Variants in FYCO1 observed in about 807,000 individuals in gnomAD.
FYCO1 encodes FYVE and coiled-coil domain autophagy adaptor 1, also known as FYVE and coiled-coil domain-containing protein 1.
In FYCO1, 122 loss-of-function variants were observed where a neutral mutation model predicts 165.1. The ratio of observed to expected loss-of-function variants is 0.74; its 90% CI spans 0.64 to 0.86. FYCO1 has a LOEUF of 0.86. FYCO1 is among the 40% of genes least tolerant of loss of function. The pLI is 0.00. For missense variants in FYCO1, 1,702 were observed against 1,810.3 expected (o/e 0.94, Z 1.09); for synonymous variants, 648 against 742.5 (o/e 0.87, Z 2.07).
At chr3:45,944,182 G>C (rs1484321036) in intron 14 of FYCO1, among the ~76,000 whole-genome samples, 8 of 146,660 alleles carry the variant, frequency 5.5e-5, no homozygotes, top group African/African-American at 1.9e-4. Context: ...GTGTTTGTGT[G>C]TGTGCGTGTG....
intron 14 of FYCO1, among the ~76,000 whole-genome samples, chr3:45,938,683 G>C (rs1255872404): frequency 1.3e-5 from 2 of 152,132 alleles, no homozygotes; most frequent in Non-Finnish European, 2.9e-5. Context: ...TAGTAGATAC[G>C]GGGTTTCACC....
Position 45,962,123 on chromosome 3 carries a change from TG to T in FYCO1, c.3437+101del, listed in dbSNP as rs1168840422. Reference sequence around the variant, plus strand: ...GGCTCCTGAGACAGCAGCAAGAAAGTGGGGAAATTTCTGAAGTATGCTTTCA... The same window carrying T: ...GGCTCCTGAGACAGCAGCAAGAAAGTGGGAAATTTCTGAAGTATGCTTTCA... On this transcript the variant is annotated intron_variant, in intron 11 of 17. Coordinates refer to ENST00000296137, the MANE Select transcript of FYCO1 (RefSeq NM_024513.4). This position sits in a 1 kb window ranked among gnomAD's most constrained non-coding sequence, Gnocchi z 4.4. 1.5e-6 allele frequency: 2 copies of T among 1,296,614 alleles called. No individual in the cohort carries two copies. Among genetic ancestry groups the T allele is most frequent in the African/African-American group, 2.9e-5 (2 of 68,756 alleles). The allele number at this position is 1,296,614 out of a possible 1,614,324, so 80.3% of individuals were successfully genotyped here. A position where few individuals can be genotyped will look rare whatever the true frequency, so the allele number is the denominator to read the frequency against.
In FYCO1 at chr3:45,964,317, T is replaced by TA. The variant is rs1338739399; in HGVS notation, c.3269+18dup. The TA allele has an allele frequency of 1.9e-6, 3 of 1,564,554 alleles. No individual in the cohort carries two copies. Among genetic ancestry groups the TA allele is most frequent in the Non-Finnish European group, 2.6e-6 (3 of 1,134,730 alleles). Reference sequence around the variant, plus strand: ...TCCCTGAAGACTACCGACAGCTACGTAGGTGGACTGTGACTAACCTTTCTA... The same window carrying TA: ...TCCCTGAAGACTACCGACAGCTACGTAAGGTGGACTGTGACTAACCTTTCTA... On this transcript the variant is annotated intron_variant, in intron 10 of 17. Transcript: ENST00000296137. This position sits in a 1 kb window ranked among gnomAD's most constrained non-coding sequence, Gnocchi z 4.1.
chr3:45,934,540 C>T (rs1703791217), intron 15 of FYCO1, among the ~76,000 whole-genome samples: 1 of 152,210 alleles, frequency 6.6e-6, no homozygotes, highest in Admixed American at 6.5e-5. Context: ...ATCTGGCAAA[C>T]ATCCTTTAGA....
rs145116256 is a variant in FYCO1 at position 45,963,763 on chromosome 3, A to C, written c.3269+573T>G. Among the ~76,000 whole-genome samples the C allele has an allele frequency of 8.6e-3, 1,310 of 152,314 alleles. 12 individuals carry two copies. The highest frequency in any genetic ancestry group is 0.014 in the Non-Finnish European group (965 of 68,016). ...TAGGCTCACAACTCCACATGGCCCC[A>C]AGCCTGAAAATGAGGGGGTCAAGGA... is the stretch of plus-strand genomic sequence containing the variant. On this transcript the variant is annotated intron_variant, in intron 10 of 17. Coordinates refer to ENST00000296137, the MANE Select transcript of FYCO1 (RefSeq NM_024513.4).
intron 2 of FYCO1, among the ~76,000 whole-genome samples, chr3:45,983,547 G>A (rs1707156754): frequency 6.6e-6 from 1 of 152,150 alleles, no homozygotes; most frequent in Admixed American, 6.5e-5. Context: ...TAGATCAGAA[G>A]CTCTACCTGA....
At chr3:45,978,863 T>G (rs1054691999) in intron 4 of FYCO1, among the ~76,000 whole-genome samples, 39 of 151,198 alleles carry the variant, frequency 2.6e-4, no homozygotes, top group Non-Finnish European at 5.6e-4. Context: ...CTGGAGTTTT[T>G]TTTTTTTTTT....
In FYCO1 at chr3:45,964,976, C is replaced by T; in HGVS notation, c.3150+57G>A. 3 of 1,406,536 alleles carry T rather than the reference C, an allele frequency of 2.1e-6. No individual in the cohort carries two copies. Among genetic ancestry groups the T allele is most frequent in the South Asian group, 1.2e-5 (1 of 85,672 alleles). The allele number at this position is 1,406,536 out of a possible 1,614,324, so 87.1% of individuals were successfully genotyped here. Reference sequence around the variant, plus strand: ...ATGCAGGGAGCCCTCTTAAATGGTCCAGTCAAAACCACACCAGATGCCCTC... The same window carrying T: ...ATGCAGGGAGCCCTCTTAAATGGTCTAGTCAAAACCACACCAGATGCCCTC... On this transcript the variant is annotated intron_variant, in intron 9 of 17. Transcript: ENST00000296137. This position sits in a 1 kb window ranked among gnomAD's most constrained non-coding sequence, Gnocchi z 4.1.
intron 5 of FYCO1, among the ~76,000 whole-genome samples, chr3:45,974,382 G>A (rs1233358169): frequency 6.6e-6 from 1 of 152,178 alleles, no homozygotes; most frequent in Non-Finnish European, 1.5e-5. Context: ...TCTGTGAACT[G>A]TGCGATCTTC....
intron 14 of FYCO1, among the ~76,000 whole-genome samples, chr3:45,948,699 G>A (rs1427499896): frequency 3.3e-5 from 5 of 152,162 alleles, no homozygotes; most frequent in African/African-American, 1.2e-4. Context: ...ACCAAAATAC[G>A]GAGAACCAAC....
rs928579946 is a variant in FYCO1, at chr3:45,967,657, C to T, written c.1677G>A (p.Pro559=). 24 of 1,611,838 alleles carry T rather than the reference C, an allele frequency of 1.5e-5. No homozygotes were observed. Among genetic ancestry groups the T allele is most frequent in the South Asian group, 6.6e-5 (6 of 91,092 alleles). Residue 559 remains proline, a synonymous_variant, in exon 8 of 18, where the codon CCG becomes CCA. Transcript: ENST00000296137. ...CTGCCACTGGCAGTTCTGGGCCAGGCGGCCCAGCAAGCCGCTCGAGCATAC... is the reference window on the plus strand; with the variant it reads ...CTGCCACTGGCAGTTCTGGGCCAGGTGGCCCAGCAAGCCGCTCGAGCATAC... ...QVGMLERLAG[P]PGPELPVAGE... is the part of the protein sequence containing the mutation.
At chr3:45,959,336 G>C in intron 12 of FYCO1, 57 bp downstream of exon 12, 1 of 1,592,656 alleles carries the variant, frequency 6.3e-7, no homozygotes, top group Non-Finnish European at 8.6e-7. Context: ...GGAGCTGTCT[G>C]CTCTGGTCCT....
rs962698595 is a variant in FYCO1 at position 45,955,327 on chromosome 3, C to A, written c.3866G>T (p.Cys1289Phe). 3 of 1,614,064 alleles carry A rather than the reference C, an allele frequency of 1.9e-6. No homozygotes were observed. The highest frequency in any genetic ancestry group is 1.3e-5 in the African/African-American group (1 of 74,914). The change falls in exon 14 of 18, where the codon TGC (cysteine) becomes TTC (phenylalanine). Residue 1289 changes from cysteine (C) to phenylalanine (F), a missense_variant. Physicochemically the swap from Cys to Phe is radical, Grantham distance 205. Coordinates refer to ENST00000296137, the MANE Select transcript of FYCO1 (RefSeq NM_024513.4). ...AGAGGAGCCGGACTCCTGTATCTGG[C>A]ACAATTCCTCATCTGTGATGATATC... ...VFDIITDEEL[C>F]QIQESGSSLP... is the part of the protein sequence containing the mutation.
Position 45,958,561 on chromosome 3 carries a change from C to T in FYCO1, c.3646G>A (p.Gly1216Ser), listed in dbSNP as rs780377697. ...CGGCAGCAGCGCTCCTTTTTGCCAC[C>T]GTGCTTGCTCAGGACGTAGTTGTTG... ...CCNNYVLSKH[G>S]GKKERCCRAC... The change falls in exon 13 of 18, where the codon GGT becomes AGT. Residue 1216 changes from glycine (G) to serine (S), a missense_variant. Transcript: ENST00000296137. 17 of 1,614,082 alleles carry T rather than the reference C, an allele frequency of 1.1e-5. 1 individual carries two copies. Among genetic ancestry groups the T allele is most frequent in the South Asian group, 5.5e-5 (5 of 91,092 alleles).
At chr3:45,992,126 C>G (rs952604483) in intron 1 of FYCO1, among the ~76,000 whole-genome samples, 1 of 152,216 alleles carries the variant, frequency 6.6e-6, no homozygotes, top group Admixed American at 6.5e-5. Context: ...GCTTAAGCCA[C>G]TCAGTTTGTG....
intron 14 of FYCO1, chr3:45,946,636 T>G: frequency 6.2e-7 from 1 of 1,614,206 alleles, no homozygotes; most frequent in Non-Finnish European, 8.5e-7. Flanking sequence ...AACTCTCTGG[T>G]GCTGGTCATA....
chr3:45,950,097 G>A (rs1704910103), intron 14 of FYCO1, among the ~76,000 whole-genome samples: 1 of 152,110 alleles, frequency 6.6e-6, no homozygotes, highest in South Asian at 2.1e-4. Flanking sequence ...GGCAGAGCCA[G>A]TTCCCAATCT....
At chr3:45,927,804 G>C (rs1703394190) in intron 16 of FYCO1, among the ~76,000 whole-genome samples, 1 of 152,230 alleles carries the variant, frequency 6.6e-6, no homozygotes, top group African/African-American at 2.4e-5. Context: ...CTGCTGGAGG[G>C]GAAGGCTTGC....
At chr3:45,987,337 C>T (rs1043346761) in intron 1 of FYCO1, among the ~76,000 whole-genome samples, 2 of 152,132 alleles carry the variant, frequency 1.3e-5, no homozygotes, top group African/African-American at 4.8e-5. Context: ...GACAAACATA[C>T]ACTTGTCACA....
Sources: allele counts gnomAD v4.1 joint callset (sites outside exome capture counted in the v4.1 genomes callset), GRCh38; gene constraint gnomAD v4.1.1; non-coding constraint Gnocchi (gnomAD v3.1); transcripts MANE v1.5; gene names NCBI Gene and HGNC (gene_info 2026-07-23, HGNC 2026-07-21).